KIAA0319: variants seen among roughly 807,000 people sequenced by gnomAD.
KIAA0319 encodes dyslexia-associated protein KIAA0319.
Under a neutral mutation model 108.4 loss-of-function variants are expected in KIAA0319, and 83 were observed. The observed-to-expected ratio is 0.77, with a 90% confidence interval of 0.64 to 0.92. The LOEUF (loss-of-function observed/expected upper bound fraction) is 0.92, where lower values mean the gene tolerates loss of function less well. Ranked by LOEUF, KIAA0319 falls within the 40% of genes least tolerant of loss-of-function variation. KIAA0319 has a pLI of 0.00. For synonymous variants in KIAA0319, 484 were observed against 510.4 expected, an observed-to-expected ratio of 0.95 and a Z score of 0.70; for missense variants, 1,195 against 1,322.4, an observed-to-expected ratio of 0.90 and a Z score of 1.49.
intron 18 of KIAA0319, among the ~76,000 whole-genome samples, chr6:24,555,591 TA>T (rs1370444554): frequency 6.6e-6 from 1 of 152,160 alleles, no homozygotes; most frequent in African/African-American, 2.4e-5. Flanking sequence ...TTCTGATTTT[TA>T]TATAGTATTA....
At chr6:24,625,612 G>C (rs1464295027) in intron 1 of KIAA0319, among the ~76,000 whole-genome samples, 1 of 152,158 alleles carries the variant, frequency 6.6e-6, no homozygotes, top group Admixed American at 6.5e-5. Context: ...AAAGCATCCA[G>C]ATTGGAAAGG....
intron 6 of KIAA0319, among the ~76,000 whole-genome samples, 188 bp from the exon 7 acceptor site, chr6:24,581,201 AGATCACCTAGACAG>A (rs1228260220): frequency 6.6e-6 from 1 of 152,222 alleles, no homozygotes; most frequent in East Asian, 1.9e-4. Flanking sequence ...GGAGCACTAA[AGATCACCTAGACAG>A]GCCTTTAGCT....
chr6:24,549,698 G>T (rs529820194), intron 20 of KIAA0319, among the ~76,000 whole-genome samples: 3 of 152,198 alleles, frequency 2.0e-5, no homozygotes, highest in Non-Finnish European at 4.4e-5. Context: ...CTATGGGCAG[G>T]ATTAGAATTC....
Position 24,629,514 on chromosome 6 carries a change from C to CAAAAAAAA in KIAA0319, c.-106+16214_-106+16221dup, listed in dbSNP as rs397974257. ...TGGGCAACAGAGTGAGACTCTGTCT[C>CAAAAAAAA]AAAAAAAAAAAAAAAAAGAAAGAAA... On this transcript the variant is annotated intron_variant, in intron 1 of 20. Transcript: ENST00000378214. 2.6e-4 allele frequency among the ~76,000 whole-genome samples: 11 copies of CAAAAAAAA among 42,410 alleles called. 2 individuals carry two copies. The highest frequency in any genetic ancestry group is 1.2e-3 in the East Asian group (1 of 844). The allele number at this position is 42,410 out of a possible 152,430, so 27.8% of individuals were successfully genotyped here.
chr6:24,645,174 GA>G (rs1323935267), intron 1 of KIAA0319, among the ~76,000 whole-genome samples: 2 of 151,576 alleles, frequency 1.3e-5, no homozygotes, highest in Admixed American at 6.6e-5. Context: ...TCAAGCAGTG[GA>G]AAAAATACTA....
At chr6:24,589,451 A>C (rs1172579574) in intron 3 of KIAA0319, among the ~76,000 whole-genome samples, 2 of 152,194 alleles carry the variant, frequency 1.3e-5, no homozygotes, top group Non-Finnish European at 2.9e-5. Flanking sequence ...CCCAAATCTC[A>C]TCTTGAATTA....
chr6:24,642,025 G>C (rs1481153979), intron 1 of KIAA0319, among the ~76,000 whole-genome samples: 4 of 141,274 alleles, frequency 2.8e-5, no homozygotes, highest in Admixed American at 1.4e-4. Context: ...GAAAGAGAAG[G>C]GGAGGGGAGG....
At chr6:24,610,884 T>C (rs1210277750) in intron 1 of KIAA0319, among the ~76,000 whole-genome samples, 2 of 152,152 alleles carry the variant, frequency 1.3e-5, no homozygotes, top group Non-Finnish European at 2.9e-5. Flanking sequence ...TATATCCATG[T>C]AAAGGCATAG....
intron 1 of KIAA0319, among the ~76,000 whole-genome samples, chr6:24,610,741 G>C (rs1232380667): frequency 1.3e-5 from 2 of 151,944 alleles, no homozygotes; most frequent in Non-Finnish European, 2.9e-5. Flanking sequence ...GGCAACATAG[G>C]CTGAGCCTAT....
At chr6:24,579,172 G>A (rs1270367526) in intron 8 of KIAA0319, among the ~76,000 whole-genome samples, 1 of 152,018 alleles carries the variant, frequency 6.6e-6, no homozygotes, top group Admixed American at 6.5e-5. Context: ...TGATAAGGTT[G>A]AACCTAGTCA....
chr6:24,619,481 C>T (rs1773620447), intron 1 of KIAA0319, among the ~76,000 whole-genome samples: 1 of 152,042 alleles, frequency 6.6e-6, no homozygotes, highest in Non-Finnish European at 1.5e-5. Context: ...TGTCATTCTC[C>T]AAATGCAAGA....
intron 1 of KIAA0319, among the ~76,000 whole-genome samples, chr6:24,633,247 C>A (rs1273009432): frequency 6.6e-6 from 1 of 152,116 alleles, no homozygotes; most frequent in East Asian, 1.9e-4. Flanking sequence ...GTAGAAGGTG[C>A]ACTAATCAGG....
rs374591034 is a variant in KIAA0319 at position 24,588,776 on chromosome 6, G to C, written c.811C>G (p.Pro271Ala). The C allele has an allele frequency of 7.4e-6, 12 of 1,612,978 alleles. No homozygotes were observed. Among genetic ancestry groups the C allele is most frequent in the Non-Finnish European group, 1.0e-5 (12 of 1,179,650 alleles). ...CTTGCCGGAGGAAGACTATGGGAAG[G>C]CATTAGAACCTACGAGATCAATTAC... ...SNSSGKEVLM[P>A]SHSLPPASLE... The change falls in exon 4 of 21, where the codon CCT becomes GCT. Residue 271 changes from proline to alanine, a missense_variant. Transcript: ENST00000378214.
At chr6:24,576,771 A>C (rs1381740255) in intron 9 of KIAA0319, among the ~76,000 whole-genome samples, 175 bp from the exon 10 acceptor site, 1 of 151,674 alleles carries the variant, frequency 6.6e-6, no homozygotes, top group Non-Finnish European at 1.5e-5. Flanking sequence ...TTAAAAAAAA[A>C]AAAATTAGCC....
intron 1 of KIAA0319, among the ~76,000 whole-genome samples, chr6:24,612,423 C>G (rs560964887): frequency 1.3e-5 from 2 of 152,038 alleles, no homozygotes; most frequent in Non-Finnish European, 2.9e-5. Context: ...TGCACTCCAG[C>G]CTGGGTGACA....
At chr6:24,600,468 T>C (rs761033994) in intron 2 of KIAA0319, 68 of 570,298 alleles carry the variant, frequency 1.2e-4, no homozygotes, top group Non-Finnish European at 1.9e-4. Context: ...CAGAGCCACA[T>C]CCCTAGGAGG....
intron 3 of KIAA0319, 94 bp from the exon 4 acceptor site, chr6:24,588,879 G>A (rs1767989847): frequency 9.6e-7 from 1 of 1,036,412 alleles, no homozygotes; most frequent in Non-Finnish European, 1.4e-6. Context: ...TCATAAATTA[G>A]CTTTGGTAAT....
At chr6:24,583,308 A>G (rs1766912301) in intron 5 of KIAA0319, 2 of 959,476 alleles carry the variant, frequency 2.1e-6, no homozygotes, top group South Asian at 6.7e-5. Context: ...TTACAGTTCA[A>G]GAACTGGTAC....
chr6:24,629,772 T>C (rs1056806554), intron 1 of KIAA0319, among the ~76,000 whole-genome samples: 3 of 152,202 alleles, frequency 2.0e-5, no homozygotes, highest in African/African-American at 7.2e-5. Context: ...AATTATATGT[T>C]ACAGAACCTT....
Sources: allele counts gnomAD v4.1 joint callset (sites outside exome capture counted in the v4.1 genomes callset), GRCh38; gene constraint gnomAD v4.1.1; transcripts MANE v1.5; gene names NCBI Gene and HGNC (gene_info 2026-07-23, HGNC 2026-07-21).